The following ARHGEF26 variants were observed in gnomAD, a reference collection of about 807,000 sequenced individuals.
The protein encoded by ARHGEF26 is Rho guanine nucleotide exchange factor (GEF) 26.
ARHGEF26 carries 59 observed loss-of-function variants against 89.4 expected under a neutral mutation model. That is an observed-to-expected ratio of 0.66 (90% CI 0.54 to 0.82). ARHGEF26 has a LOEUF of 0.82. Ranked by LOEUF, ARHGEF26 falls within the 40% of genes least tolerant of loss-of-function variation. The pLI is 0.00. For synonymous variants in ARHGEF26, 500 were observed against 428.4 expected (o/e 1.17, Z -2.06); for missense variants, 1,234 against 1,085.6 (o/e 1.14, Z -1.92).
At chr3:154,124,199 T>C (rs1718179778) in intron 2 of ARHGEF26, among the ~76,000 whole-genome samples, 1 of 152,186 alleles carries the variant, frequency 6.6e-6, no homozygotes, top group Non-Finnish European at 1.5e-5. Flanking sequence ...GGGGATCTTG[T>C]ACATTTTATT....
intron 6 of ARHGEF26, among the ~76,000 whole-genome samples, chr3:154,178,030 CCT>C (rs1452282714): frequency 1.3e-5 from 2 of 151,994 alleles, no homozygotes; most frequent in Admixed American, 6.6e-5. Context: ...CTGGTGAACC[CCT>C]GTCTCTCCTA....
At chr3:154,196,255 G>A (rs577313981) in intron 9 of ARHGEF26, among the ~76,000 whole-genome samples, 4 of 152,196 alleles carry the variant, frequency 2.6e-5, no homozygotes, top group Non-Finnish European at 4.4e-5. Flanking sequence ...GAGGGTCTTC[G>A]TTAGTGTATT....
intron 10 of ARHGEF26, among the ~76,000 whole-genome samples, chr3:154,225,277 A>G (rs910958072): frequency 6.6e-6 from 1 of 152,218 alleles, no homozygotes; most frequent in African/African-American, 2.4e-5. Context: ...ACTTCCATGA[A>G]GCAAGCTACC....
At chr3:154,174,571 TA>T (rs1712681038) in intron 6 of ARHGEF26, among the ~76,000 whole-genome samples, 1 of 152,210 alleles carries the variant, frequency 6.6e-6, no homozygotes, top group African/African-American at 2.4e-5. Context: ...TACTAATATG[TA>T]ATTTGAGGCA....
intron 9 of ARHGEF26, among the ~76,000 whole-genome samples, chr3:154,205,740 GA>G (rs199751119): frequency 0.01 from 1,526 of 152,174 alleles, 32 homozygotes; most frequent in African/African-American, 0.035. Flanking sequence ...CATAAGCAAG[GA>G]AACAAGCAAA....
At chr3:154,140,969 A>ATT (rs11400861) in intron 4 of ARHGEF26, among the ~76,000 whole-genome samples, 59 of 145,902 alleles carry the variant, frequency 4.0e-4, no homozygotes, top group Non-Finnish European at 5.0e-4. Context: ...CTTCCATCCT[A>ATT]TTTTTTTTTT....
At chr3:154,227,134 T>G (rs1438677567) in intron 11 of ARHGEF26, among the ~76,000 whole-genome samples, 1 of 152,180 alleles carries the variant, frequency 6.6e-6, no homozygotes, top group Admixed American at 6.5e-5. Flanking sequence ...GAAATGTTAG[T>G]ATGGTCTTCC....
At chr3:154,248,652 C>T (rs908568847) in intron 12 of ARHGEF26, among the ~76,000 whole-genome samples, 6 of 152,004 alleles carry the variant, frequency 3.9e-5, no homozygotes, top group East Asian at 1.9e-4. Context: ...ATCATTGACC[C>T]GCTTCAGGTT....
chr3:154,137,447 A>G (rs577815831), intron 4 of ARHGEF26, among the ~76,000 whole-genome samples: 3 of 152,264 alleles, frequency 2.0e-5, no homozygotes, highest in African/African-American at 7.2e-5. Flanking sequence ...TGCTTTATAA[A>G]TTACCCAATT....
chr3:154,122,634 ACTCC>A lies in ARHGEF26; in HGVS notation c.644_647del (p.Leu215ProfsTer20). 1 of 1,613,212 alleles carries A rather than the reference ACTCC, an allele frequency of 6.2e-7. No homozygotes were observed. The highest frequency in any genetic ancestry group is 8.5e-7 in the Non-Finnish European group (1 of 1,179,762). ...CCCAGAAAAGTTCTTCGGAACAAAAACTCCCCCTCCAAAGGCTGCCCTCCCAGGA... is the reference window on the plus strand; with the variant it reads ...CCCAGAAAAGTTCTTCGGAACAAAAACCCTCCAAAGGCTGCCCTCCCAGGA... On this transcript the variant is annotated frameshift_variant, in exon 2 of 15. Transcript: ENST00000465093. LOFTEE classifies it high-confidence loss of function.
intron 6 of ARHGEF26, among the ~76,000 whole-genome samples, chr3:154,157,108 C>CTG (rs149749422): frequency 2.6e-5 from 4 of 151,746 alleles, no homozygotes; most frequent in South Asian, 2.1e-4. Flanking sequence ...ATCATTCTGA[C>CTG]TGTGTGTGTG....
chr3:154,254,865 T>C lies in ARHGEF26; in HGVS notation c.2473+41T>C, dbSNP rs951570057. On this transcript the variant is annotated intron_variant, in intron 14 of 14. Transcript: ENST00000465093. Reference sequence around the variant, plus strand: ...CTTATGGGACACTCGTGGTCCAGGATGCAGAGTGCTATAGACCCGAGGAGT... The same window carrying C: ...CTTATGGGACACTCGTGGTCCAGGACGCAGAGTGCTATAGACCCGAGGAGT... 6 of 1,537,206 alleles carry C rather than the reference T, an allele frequency of 3.9e-6. No homozygotes were observed. The African/African-American group carries it at 4.1e-5, about 10-fold the overall frequency.
intron 6 of ARHGEF26, among the ~76,000 whole-genome samples, chr3:154,166,292 C>G (rs573900646): frequency 6.6e-6 from 1 of 152,116 alleles, no homozygotes; most frequent in East Asian, 1.9e-4. Flanking sequence ...CCTCATGATC[C>G]GCCCGCCTTG....
At position 154,149,459 on chromosome 3, in the gene ARHGEF26, G is replaced by T; in HGVS notation, c.1326+14G>T. 1 of 1,601,064 alleles carries T rather than the reference G, an allele frequency of 6.2e-7. No homozygotes were observed. Among genetic ancestry groups the T allele is most frequent in the South Asian group, 1.1e-5 (1 of 88,402 alleles). ...AAGAGACAAGAGGTATGTTTCTACC[G>T]AGCAGCTGCTTTAGAGCTCTGGAGT... On this transcript the variant is annotated intron_variant, in intron 5 of 14. Transcript: ENST00000465093.
intron 12 of ARHGEF26, among the ~76,000 whole-genome samples, chr3:154,247,378 C>T (rs1576827638): frequency 6.6e-6 from 1 of 152,296 alleles, no homozygotes; most frequent in African/African-American, 2.4e-5. Context: ...CCAGTTCTTC[C>T]TGTGTAAAAG....
At chr3:154,250,064 C>G (rs1049844512) in intron 12 of ARHGEF26, among the ~76,000 whole-genome samples, 2 of 152,010 alleles carry the variant, frequency 1.3e-5, no homozygotes, top group Non-Finnish European at 2.9e-5. Context: ...GAGTTTTGCT[C>G]TTGTCGCCTA....
chr3:154,174,268 TG>T (rs1712662459), intron 6 of ARHGEF26, among the ~76,000 whole-genome samples: 2 of 152,192 alleles, frequency 1.3e-5, no homozygotes, highest in African/African-American at 4.8e-5. Context: ...TCAGAAAAAG[TG>T]GGAAATCTAG....
intron 11 of ARHGEF26, among the ~76,000 whole-genome samples, chr3:154,233,033 A>G (rs1338604734): frequency 6.6e-6 from 1 of 151,484 alleles, no homozygotes; most frequent in African/African-American, 2.4e-5. Context: ...GGGTTTTACC[A>G]TGTTAGCCAG....
chr3:154,253,191 C>T lies in ARHGEF26; in HGVS notation c.2368+8C>T. 6.2e-7 allele frequency: 1 copy of T among 1,613,998 alleles called. No individual in the cohort carries two copies. ...CGCCTGCAGACCGAACCTGTAAGTT[C>T]TCTCAAGGGGAAGCCCACTTGGGAA... On this transcript the variant is annotated splice_region_variant and intron_variant, in intron 13 of 14. Coordinates refer to ENST00000465093, the MANE Select transcript of ARHGEF26 (RefSeq NM_015595.4).
Sources: gnomAD v4.1 joint callset for allele counts (sites outside exome capture counted in the v4.1 genomes callset) on GRCh38, gnomAD v4.1.1 for gene constraint, MANE v1.5 for transcripts, NCBI Gene and HGNC (gene_info 2026-07-23, HGNC 2026-07-21) for gene names.